Variants in FAF1 observed in about 807,000 individuals in gnomAD.
FAF1 encodes the protein FAS-associated factor 1.
In FAF1, 25 loss-of-function variants were observed where a neutral mutation model predicts 92.5. The observed-to-expected ratio is 0.27, with a 90% CI of 0.20 to 0.38. The LOEUF (loss-of-function observed/expected upper bound fraction) is 0.38, where lower values mean the gene tolerates loss of function less well. Among genes scored for constraint, FAF1 ranks in the 10% least tolerant of loss-of-function variants. The pLI, the probability that FAF1 is intolerant of heterozygous loss-of-function variation, is 1.00. For synonymous variants in FAF1, 234 were observed against 273.2 expected (o/e 0.86, Z 1.42); for missense variants, 636 against 793.3 (o/e 0.80, Z 2.38).
chr1:50,836,627 C>T (rs567110577), intron 2 of FAF1, among the ~76,000 whole-genome samples: 244 of 152,238 alleles, frequency 1.6e-3, no homozygotes, highest in African/African-American at 5.6e-3. Flanking sequence ...ATTGTTAATA[C>T]TCTGACAAGT....
chr1:50,490,392 GAA>G (rs1646818052), intron 17 of FAF1, among the ~76,000 whole-genome samples, 194 bp downstream of exon 17: 1 of 17,896 alleles, frequency 5.6e-5, no homozygotes, highest in Non-Finnish European at 1.5e-4. Context: ...AAAAAGGAAG[GAA>G]GGAAGGAAGG....
chr1:50,746,203 A>G (rs749371273), intron 4 of FAF1, among the ~76,000 whole-genome samples: 11 of 133,446 alleles, frequency 8.2e-5, no homozygotes, highest in Non-Finnish European at 1.7e-4. Flanking sequence ...TGCTTCTAGT[A>G]CCCTACGCTC....
chr1:50,828,474 T>C (rs1297984122), intron 2 of FAF1, among the ~76,000 whole-genome samples: 5 of 152,108 alleles, frequency 3.3e-5, no homozygotes, highest in Non-Finnish European at 7.4e-5. Flanking sequence ...TTTCACTGTG[T>C]TAACCAGGAT....
chr1:50,763,265 A>G (rs187211451), intron 4 of FAF1, among the ~76,000 whole-genome samples: 1 of 152,294 alleles, frequency 6.6e-6, no homozygotes, highest in African/African-American at 2.4e-5. Context: ...CTCAAAAAAT[A>G]AATACATAAA....
At chr1:50,898,132 C>T (rs543959839) in intron 1 of FAF1, among the ~76,000 whole-genome samples, 24 of 152,252 alleles carry the variant, frequency 1.6e-4, no homozygotes, top group African/African-American at 5.3e-4. Context: ...AATACTATGT[C>T]TGGGGTTTGC....
chr1:50,863,063 T>C (rs1644449105), intron 1 of FAF1, among the ~76,000 whole-genome samples: 1 of 151,984 alleles, frequency 6.6e-6, no homozygotes, highest in Non-Finnish European at 1.5e-5. Flanking sequence ...AGAATATACA[T>C]TCTATTCATC....
intron 1 of FAF1, among the ~76,000 whole-genome samples, chr1:50,944,003 C>G (rs545868667): frequency 2.6e-5 from 4 of 152,314 alleles, no homozygotes; most frequent in African/African-American, 9.6e-5. Context: ...GAGTCTAGTC[C>G]TTGTTTTTGA....
chr1:50,679,591 A>C (rs1656334486), intron 7 of FAF1, among the ~76,000 whole-genome samples: 1 of 152,236 alleles, frequency 6.6e-6, no homozygotes, highest in South Asian at 2.1e-4. Context: ...AATAAATGGC[A>C]CTACCATGAA....
chr1:50,786,046 C>A (rs1661350810), intron 4 of FAF1, among the ~76,000 whole-genome samples: 1 of 151,696 alleles, frequency 6.6e-6, no homozygotes, highest in Admixed American at 6.6e-5. Flanking sequence ...GGCAGGGGGA[C>A]TGCTTGAGCC....
At chr1:50,612,016 G>A (rs1354582030) in intron 8 of FAF1, among the ~76,000 whole-genome samples, 2 of 152,152 alleles carry the variant, frequency 1.3e-5, no homozygotes, top group Non-Finnish European at 1.5e-5. Context: ...ACACATATTG[G>A]TGAACGAAAA....
chr1:50,959,704 C>T, intron 1 of FAF1, 63 bp downstream of exon 1: 1 of 1,424,686 alleles, frequency 7.0e-7, no homozygotes, highest in Non-Finnish European at 9.8e-7. Flanking sequence ...GAAGAAGACT[C>T]CCTTGTGGCA....
At chr1:50,512,495 C>A (rs1647149635) in intron 15 of FAF1, among the ~76,000 whole-genome samples, 1 of 152,004 alleles carries the variant, frequency 6.6e-6, no homozygotes, top group Non-Finnish European at 1.5e-5. Flanking sequence ...ATTAAGAATC[C>A]TTTCCCCTTG....
At chr1:50,765,182 T>C (rs1019886960) in intron 4 of FAF1, among the ~76,000 whole-genome samples, 2 of 152,234 alleles carry the variant, frequency 1.3e-5, no homozygotes, top group Non-Finnish European at 2.9e-5. Flanking sequence ...AAGTGGATAT[T>C]TGCCTGCCCA....
At chr1:50,618,703 T>C (rs1653051563) in intron 8 of FAF1, among the ~76,000 whole-genome samples, 1 of 152,062 alleles carries the variant, frequency 6.6e-6, no homozygotes, top group African/African-American at 2.4e-5. Flanking sequence ...TTGTCCTTCT[T>C]AATTTTTACT....
intron 7 of FAF1, among the ~76,000 whole-genome samples, chr1:50,689,797 T>G (rs570864992): frequency 1.1e-4 from 17 of 152,280 alleles, no homozygotes; most frequent in Admixed American, 1.1e-3. Context: ...CAGATGAACC[T>G]TAAAAACATG....
chr1:50,748,293 C>T (rs199938727), intron 4 of FAF1, among the ~76,000 whole-genome samples: 8 of 151,574 alleles, frequency 5.3e-5, no homozygotes, highest in East Asian at 1.9e-4. Context: ...GTCAGGAGTT[C>T]GAGACCAGCC....
At chr1:50,665,361 A>G (rs1004682429) in intron 7 of FAF1, among the ~76,000 whole-genome samples, 7 of 152,256 alleles carry the variant, frequency 4.6e-5, no homozygotes, top group Non-Finnish European at 1.0e-4. Flanking sequence ...AGACATAATC[A>G]TACCTGTAAC....
At chr1:50,617,648 C>T (rs1050258772) in intron 8 of FAF1, among the ~76,000 whole-genome samples, 10 of 149,832 alleles carry the variant, frequency 6.7e-5, no homozygotes, top group East Asian at 5.9e-4. Flanking sequence ...ATTAGGGTGA[C>T]GCTGGCCTCA....
chr1:50,951,753 A>G (rs1281434880), intron 1 of FAF1, among the ~76,000 whole-genome samples: 1 of 152,236 alleles, frequency 6.6e-6, no homozygotes, highest in Non-Finnish European at 1.5e-5. Flanking sequence ...GCTCCCAGGA[A>G]TGAAAAAATA....
Sources: allele counts gnomAD v4.1 joint callset (sites outside exome capture counted in the v4.1 genomes callset), GRCh38; gene constraint gnomAD v4.1.1; transcripts MANE v1.5; gene names NCBI Gene and HGNC (gene_info 2026-07-23, HGNC 2026-07-21).